The following FRMD4A variants were observed in gnomAD, a reference collection of about 807,000 sequenced individuals.
FRMD4A encodes FERM domain containing 4A.
Under a neutral mutation model 129.1 loss-of-function variants are expected in FRMD4A, and 29 were observed. The ratio of observed to expected loss-of-function variants is 0.22; its 90% confidence interval spans 0.17 to 0.31. The LOEUF (loss-of-function observed/expected upper bound fraction) is 0.31. Among genes scored for constraint, FRMD4A ranks in the 10% least tolerant of loss-of-function variants. The pLI is 1.00. For synonymous variants in FRMD4A, 634 were observed against 571.6 expected (o/e 1.11, Z -1.56); for missense variants, 1,272 against 1,375.8 (o/e 0.92, Z 1.19).
rs557129518 is a variant in FRMD4A, at chr10:14,240,817, A to G, written c.45+89241T>C. 6.6e-5 allele frequency among the ~76,000 whole-genome samples: 10 copies of G among 152,256 alleles called. No homozygotes were observed. In the South Asian group the frequency reaches 1.2e-3, roughly 19 times the overall value. ...AACCTTAACTTTAAAATGGTTTCCA[A>G]ACTATGGTGTGTGGTATAAAAACAA... is the stretch of plus-strand genomic sequence containing the variant. On this transcript the variant is annotated intron_variant, in intron 2 of 24. Coordinates refer to ENST00000357447, the MANE Select transcript of FRMD4A (RefSeq NM_018027.5).
chr10:14,015,371 C>G (rs1287533252), intron 2 of FRMD4A, among the ~76,000 whole-genome samples: 1 of 149,732 alleles, frequency 6.7e-6, no homozygotes, highest in Non-Finnish European at 1.5e-5. Context: ...CTCCTTCCTT[C>G]CTTCCTTTTT....
At chr10:14,001,327 T>C (rs2446567) in intron 2 of FRMD4A, among the ~76,000 whole-genome samples, 152,190 of 152,332 alleles carry the variant, frequency 1, 76,024 homozygotes, top group Middle Eastern at 1. Context: ...GGCATGATGG[T>C]GAGGCATGAC....
chr10:14,141,201 C>T (rs1361566142), intron 2 of FRMD4A, among the ~76,000 whole-genome samples: 4 of 152,250 alleles, frequency 2.6e-5, no homozygotes, highest in Non-Finnish European at 5.9e-5. Flanking sequence ...AAAGGGCCTT[C>T]GAAGTCTCCA....
chr10:13,739,833 C>T (rs1159277692), intron 11 of FRMD4A, among the ~76,000 whole-genome samples: 1 of 152,256 alleles, frequency 6.6e-6, no homozygotes, highest in African/African-American at 2.4e-5. Context: ...GGCGCGGTGG[C>T]TCACGCCTAT....
chr10:14,163,576 G>C (rs1414539455), intron 2 of FRMD4A, among the ~76,000 whole-genome samples: 4 of 152,146 alleles, frequency 2.6e-5, no homozygotes, highest in Admixed American at 2.0e-4. Flanking sequence ...GCACATTTCT[G>C]ACAGAAGGAA....
chr10:14,108,864 G>C (rs1298768802), intron 2 of FRMD4A, among the ~76,000 whole-genome samples: 1 of 152,186 alleles, frequency 6.6e-6, no homozygotes, highest in Non-Finnish European at 1.5e-5. Context: ...AAAGTAGAAA[G>C]AGGCAAGAGC....
intron 2 of FRMD4A, among the ~76,000 whole-genome samples, chr10:14,041,409 T>C (rs1019552618): frequency 3.9e-5 from 6 of 152,256 alleles, no homozygotes; most frequent in African/African-American, 1.4e-4. Context: ...ATGAAAATTC[T>C]GACTAATGTC....
chr10:13,718,975 G>A (rs1571009), intron 12 of FRMD4A, among the ~76,000 whole-genome samples: 60,217 of 151,998 alleles, frequency 0.4, 12,215 homozygotes, highest in East Asian at 0.62. Flanking sequence ...TGTTGAGTGA[G>A]TGAATGAATG....
intron 3 of FRMD4A, among the ~76,000 whole-genome samples, chr10:13,817,779 G>A (rs1356782652): frequency 2.6e-5 from 4 of 152,152 alleles, no homozygotes; most frequent in Admixed American, 6.5e-5. Flanking sequence ...CCAGTCTCAG[G>A]TATGTCTTTA....
intron 2 of FRMD4A, among the ~76,000 whole-genome samples, chr10:14,227,621 T>A (rs985679336): frequency 4.6e-5 from 7 of 152,124 alleles, no homozygotes; most frequent in Non-Finnish European, 8.8e-5. Context: ...CAAGCCTGCA[T>A]GAGGTGTCCT....
At chr10:14,180,617 C>G (rs148559669) in intron 2 of FRMD4A, among the ~76,000 whole-genome samples, 1 of 152,344 alleles carries the variant, frequency 6.6e-6, no homozygotes, top group East Asian at 1.9e-4. Flanking sequence ...AAACCAATGC[C>G]TATTACTGTG....
chr10:13,804,113 G>C (rs1261828492), intron 4 of FRMD4A, among the ~76,000 whole-genome samples: 1 of 152,204 alleles, frequency 6.6e-6, no homozygotes, highest in Non-Finnish European at 1.5e-5. Flanking sequence ...AACACAGCAT[G>C]GGTCGTCTGA....
intron 6 of FRMD4A, among the ~76,000 whole-genome samples, chr10:13,764,960 C>T (rs1432933259): frequency 6.6e-6 from 1 of 152,132 alleles, no homozygotes; most frequent in Non-Finnish European, 1.5e-5. Flanking sequence ...GTGTGACCTC[C>T]CTTAGGACTT....
chr10:14,051,859 T>C (rs910868579), intron 2 of FRMD4A, among the ~76,000 whole-genome samples: 1 of 152,244 alleles, frequency 6.6e-6, no homozygotes, highest in Admixed American at 6.5e-5. Flanking sequence ...ATCCACGGCA[T>C]TGCATTTGCA....
At chr10:13,868,546 T>TA (rs2094402293) in intron 2 of FRMD4A, among the ~76,000 whole-genome samples, 1 of 152,150 alleles carries the variant, frequency 6.6e-6, no homozygotes, top group South Asian at 2.1e-4. Flanking sequence ...CTCACTACTG[T>TA]AATGCCAGCA....
chr10:13,819,369 C>G (rs12355854), intron 3 of FRMD4A, among the ~76,000 whole-genome samples: 1 of 152,114 alleles, frequency 6.6e-6, no homozygotes, highest in Non-Finnish European at 1.5e-5. Context: ...CCTCCCCCTT[C>G]CCATTTAAAT....
chr10:14,225,237 T>A (rs1314004496), intron 2 of FRMD4A, among the ~76,000 whole-genome samples: 1 of 152,224 alleles, frequency 6.6e-6, no homozygotes, highest in Non-Finnish European at 1.5e-5. Flanking sequence ...ATTTATAAAA[T>A]GTAAATGAGA....
chr10:14,292,418 G>C (rs779828484), intron 2 of FRMD4A, among the ~76,000 whole-genome samples: 1 of 152,198 alleles, frequency 6.6e-6, no homozygotes, highest in Non-Finnish European at 1.5e-5. Flanking sequence ...ATGATGCAGA[G>C]ACATCATTCC....
chr10:14,008,649 A>G (rs1239236239), intron 2 of FRMD4A: 1 of 215,786 alleles, frequency 4.6e-6, no homozygotes, highest in Non-Finnish European at 7.9e-6. Flanking sequence ...TAAAAAGACT[A>G]TTTGGAATAT....
Sources: gnomAD v4.1 joint callset for allele counts (sites outside exome capture counted in the v4.1 genomes callset) on GRCh38, gnomAD v4.1.1 for gene constraint, MANE v1.5 for transcripts, NCBI Gene and HGNC (gene_info 2026-07-23, HGNC 2026-07-21) for gene names.